Variants in CNTNAP2 observed in about 807,000 individuals in gnomAD.
The protein encoded by CNTNAP2 is contactin-associated protein-like 2.
A neutral mutation model predicts 155.2 loss-of-function variants in CNTNAP2; 98 were observed. The observed-to-expected ratio is 0.63, with a 90% confidence interval of 0.54 to 0.75. The LOEUF is 0.75. Ranked by LOEUF, CNTNAP2 falls within the 30% of genes least tolerant of loss-of-function variation. The pLI is 0.00. For missense variants in CNTNAP2, 1,727 were observed against 1,688.1 expected (o/e 1.02, Z -0.40); for synonymous variants, 651 against 631.2 (o/e 1.03, Z -0.47).
Position 147,610,761 on chromosome 7 carries a change from TAG to T in CNTNAP2, c.1898-28342_1898-28341del, listed in dbSNP as rs373617491. Reference sequence around the variant, plus strand: ...GTTTGTTGGTTGGTTTGTTTTGAGATAGAGTCTAGCTCTGTTGCCTGGGCTGG... The same window carrying T: ...GTTTGTTGGTTGGTTTGTTTTGAGATAGTCTAGCTCTGTTGCCTGGGCTGG... On this transcript the variant is annotated intron_variant, in intron 12 of 23. Coordinates refer to ENST00000361727, the MANE Select transcript of CNTNAP2 (RefSeq NM_014141.6). Among the ~76,000 whole-genome samples, 120 of 152,164 alleles carry T rather than the reference TAG, an allele frequency of 7.9e-4. 1 individual carries two copies. The highest frequency in any genetic ancestry group is 2.7e-3 in the African/African-American group (112 of 41,540).
Position 147,616,819 on chromosome 7 carries a change from A to C in CNTNAP2, c.1898-22287A>C, listed in dbSNP as rs182986870. Among the ~76,000 whole-genome samples, 130 of 152,302 alleles carry C rather than the reference A, an allele frequency of 8.5e-4. 1 individual carries two copies. The highest frequency in any genetic ancestry group is 1.6e-3 in the Non-Finnish European group (108 of 68,028). ...GATTTTATATCGTGCTCATTGCCGTACCTCTAGAACTCAGATAAATGGTAA... is the reference window on the plus strand; with the variant it reads ...GATTTTATATCGTGCTCATTGCCGTCCCTCTAGAACTCAGATAAATGGTAA... On this transcript the variant is annotated intron_variant, in intron 12 of 23. Transcript: ENST00000361727.
chr7:148,074,181 G>A (rs73470264), intron 15 of CNTNAP2, among the ~76,000 whole-genome samples: 7,758 of 152,232 alleles, frequency 0.051, 256 homozygotes, highest in Admixed American at 0.11. Context: ...GAGTGCTTAT[G>A]CTTTGGACTT....
chr7:148,283,647 C>T (rs978796258), intron 21 of CNTNAP2, among the ~76,000 whole-genome samples: 12 of 147,728 alleles, frequency 8.1e-5, no homozygotes, highest in African/African-American at 3.1e-4. Flanking sequence ...TATTCAGTGC[C>T]ATTTTTTTTG....
At chr7:146,860,013 G>A (rs1795068851) in intron 3 of CNTNAP2, among the ~76,000 whole-genome samples, 1 of 152,122 alleles carries the variant, frequency 6.6e-6, no homozygotes, top group African/African-American at 2.4e-5. Context: ...CTTTAGAGGT[G>A]GGTTCAGCTC....
At chr7:147,375,911 C>A (rs571167435) in intron 9 of CNTNAP2, among the ~76,000 whole-genome samples, 1 of 152,116 alleles carries the variant, frequency 6.6e-6, no homozygotes, top group Admixed American at 6.6e-5. Flanking sequence ...GCCAGCAGTT[C>A]TTCCAGGTTT....
At chr7:147,218,682 G>C (rs1456240560) in intron 8 of CNTNAP2, among the ~76,000 whole-genome samples, 1 of 151,948 alleles carries the variant, frequency 6.6e-6, no homozygotes, top group African/African-American at 2.4e-5. Context: ...CTGTGAGCTT[G>C]AGAAGAATGT....
chr7:146,812,195 G>C (rs1299051645), intron 2 of CNTNAP2, among the ~76,000 whole-genome samples: 1 of 152,046 alleles, frequency 6.6e-6, no homozygotes, highest in Non-Finnish European at 1.5e-5. Flanking sequence ...GAACTTCCTA[G>C]AGGCTTGTTG....
chr7:148,001,169 A>G (rs1801889724), intron 15 of CNTNAP2, among the ~76,000 whole-genome samples: 1 of 152,178 alleles, frequency 6.6e-6, no homozygotes, highest in Admixed American at 6.5e-5. Flanking sequence ...GTGGACATGA[A>G]TTTGGGAATG....
chr7:147,349,827 A>C (rs1471920214), intron 9 of CNTNAP2, among the ~76,000 whole-genome samples: 1 of 151,958 alleles, frequency 6.6e-6, no homozygotes, highest in Non-Finnish European at 1.5e-5. Flanking sequence ...AACATCACTG[A>C]AGATATATGT....
chr7:148,074,493 C>A (rs980183531), intron 15 of CNTNAP2, among the ~76,000 whole-genome samples: 3 of 115,182 alleles, frequency 2.6e-5, no homozygotes, highest in Non-Finnish European at 3.5e-5. Flanking sequence ...GAGTTCAAGA[C>A]CAGCCTGGCC....
chr7:146,296,085 T>A (rs1318760950), intron 1 of CNTNAP2, among the ~76,000 whole-genome samples: 8 of 152,052 alleles, frequency 5.3e-5, no homozygotes, highest in Non-Finnish European at 1.0e-4. Flanking sequence ...TCCCATTGCT[T>A]GTATAGATAG....
intron 14 of CNTNAP2, among the ~76,000 whole-genome samples, chr7:147,906,809 G>T (rs2116757618): frequency 6.6e-6 from 1 of 152,208 alleles, no homozygotes; most frequent in South Asian, 2.1e-4. Context: ...CCATTTCAAA[G>T]AACATGTCTG....
intron 15 of CNTNAP2, among the ~76,000 whole-genome samples, chr7:148,052,545 C>T (rs1367569247): frequency 2.0e-5 from 3 of 152,142 alleles, no homozygotes; most frequent in South Asian, 2.1e-4. Flanking sequence ...ATCTTTAAAA[C>T]GTATGTAGTT....
intron 21 of CNTNAP2, among the ~76,000 whole-genome samples, chr7:148,353,669 G>GCA (rs1017339437): frequency 9.4e-5 from 11 of 116,756 alleles, no homozygotes; most frequent in African/African-American, 3.7e-4. Flanking sequence ...ACACACACAC[G>GCA]CACACACAAG....
chr7:146,569,561 C>G (rs1048635331), intron 1 of CNTNAP2, among the ~76,000 whole-genome samples: 2 of 152,162 alleles, frequency 1.3e-5, no homozygotes, highest in African/African-American at 4.8e-5. Context: ...TGATTATTAG[C>G]TCAGCACCTC....
At chr7:147,134,956 A>G (rs1441387004) in intron 8 of CNTNAP2, among the ~76,000 whole-genome samples, 1 of 151,940 alleles carries the variant, frequency 6.6e-6, no homozygotes, top group Non-Finnish European at 1.5e-5. Context: ...CACACAAAGT[A>G]GTGCACTGAG....
chr7:147,776,029 A>G (rs903599769), intron 13 of CNTNAP2, among the ~76,000 whole-genome samples: 3 of 152,216 alleles, frequency 2.0e-5, no homozygotes, highest in South Asian at 4.1e-4. Flanking sequence ...TATAAGACCA[A>G]TTAGAGTTGT....
intron 18 of CNTNAP2, among the ~76,000 whole-genome samples, chr7:148,212,204 T>G (rs1795564053): frequency 6.6e-6 from 1 of 151,962 alleles, no homozygotes; most frequent in Non-Finnish European, 1.5e-5. Flanking sequence ...TAAATATCTT[T>G]ATGTTATTAT....
chr7:148,396,823 T>TA (rs1274758319), intron 22 of CNTNAP2, among the ~76,000 whole-genome samples: 1 of 152,210 alleles, frequency 6.6e-6, no homozygotes, highest in Non-Finnish European at 1.5e-5. Context: ...GAAAGACTTT[T>TA]AAAAAATTAA....
Sources: allele counts gnomAD v4.1 joint callset (sites outside exome capture counted in the v4.1 genomes callset), GRCh38; gene constraint gnomAD v4.1.1; transcripts MANE v1.5; gene names NCBI Gene and HGNC (gene_info 2026-07-23, HGNC 2026-07-21).